Variants in ERG observed in about 807,000 individuals in gnomAD.
ERG encodes the protein transcriptional regulator ERG.
A neutral mutation model predicts 55.3 loss-of-function variants in ERG; 9 were observed. The ratio of observed to expected loss-of-function variants is 0.16; its 90% CI spans 0.10 to 0.28. ERG has a LOEUF of 0.28. ERG is among the 10% of genes least tolerant of loss of function. The pLI is 1.00. For missense variants in ERG, 434 were observed against 631.6 expected, an observed-to-expected ratio of 0.69 and a Z score of 3.35; for synonymous variants, 223 against 237.3, an observed-to-expected ratio of 0.94 and a Z score of 0.55.
chr21:38,615,813 C>T (rs1414838012), intron 1 of ERG, among the ~76,000 whole-genome samples: 1 of 151,928 alleles, frequency 6.6e-6, no homozygotes, highest in Non-Finnish European at 1.5e-5. Context: ...TTACAGTCAA[C>T]TTCAAGCTAC....
chr21:38,583,229 A>G (rs923202138), intron 1 of ERG, among the ~76,000 whole-genome samples: 45 of 152,242 alleles, frequency 3.0e-4, no homozygotes, highest in Non-Finnish European at 5.7e-4. Context: ...CCTGCCAAGC[A>G]CACCAGGCCC....
intron 1 of ERG, among the ~76,000 whole-genome samples, chr21:38,658,658 G>A (rs4143428): frequency 5.3e-5 from 8 of 151,976 alleles, no homozygotes; most frequent in African/African-American, 1.9e-4. Flanking sequence ...GATACATAAC[G>A]TATAACATTG....
intron 1 of ERG, among the ~76,000 whole-genome samples, chr21:38,462,076 G>T (rs540850706): frequency 6.6e-6 from 1 of 152,232 alleles, no homozygotes; most frequent in South Asian, 2.1e-4. Flanking sequence ...CTGCCTCCTG[G>T]GTTCATGCCT....
chr21:38,488,689 C>T (rs1049118800), intron 1 of ERG, among the ~76,000 whole-genome samples: 3 of 152,200 alleles, frequency 2.0e-5, no homozygotes, highest in Non-Finnish European at 4.4e-5. Flanking sequence ...TCTAAAATGA[C>T]CTTTCAACTA....
chr21:38,590,985 G>A (rs2060097280), intron 1 of ERG, among the ~76,000 whole-genome samples: 1 of 152,174 alleles, frequency 6.6e-6, no homozygotes, highest in Non-Finnish European at 1.5e-5. Context: ...GGGGTGAAAG[G>A]GGCAAAAGAG....
chr21:38,466,300 G>GGGGTGTGTGT lies in ERG; in HGVS notation c.19-20680_19-20679insACACACACCC, dbSNP rs1555903683. On this transcript the variant is annotated intron_variant, in intron 1 of 9. Transcript: ENST00000288319. ...CAGTTTAGGCTGTCTGATGGTCTGG[G>GGGGTGTGTGT]GTGTGTGTGTGTGTGTGTGTGTGTG... is the stretch of plus-strand genomic sequence containing the variant. 2.6e-3 allele frequency among the ~76,000 whole-genome samples: 371 copies of GGGGTGTGTGT among 140,680 alleles called. 1 individual carries two copies. The highest frequency in any genetic ancestry group is 4.4e-3 in the Non-Finnish European group (286 of 65,384). 92.3% of individuals were successfully genotyped at this position (140,680 alleles called of 152,430 possible).
intron 3 of ERG, among the ~76,000 whole-genome samples, chr21:38,411,156 A>T (rs1569075841): frequency 6.6e-6 from 1 of 152,188 alleles, no homozygotes; most frequent in Non-Finnish European, 1.5e-5. Context: ...TCACTCCATC[A>T]CAAATGGAAA....
intron 1 of ERG, among the ~76,000 whole-genome samples, chr21:38,641,672 C>A (rs1416367221): frequency 2.0e-5 from 3 of 151,238 alleles, no homozygotes; most frequent in Non-Finnish European, 4.4e-5. Context: ...AATGCACATG[C>A]AAATTTTTTC....
chr21:38,398,782 A>G (rs1988349805), intron 6 of ERG, among the ~76,000 whole-genome samples: 1 of 152,234 alleles, frequency 6.6e-6, no homozygotes, highest in Admixed American at 6.5e-5. Context: ...CTTGTCTGAC[A>G]GAGAGATTGT....
upstream of ERG, among the ~76,000 whole-genome samples, chr21:38,499,981 A>T (rs1414976708): frequency 1.3e-5 from 2 of 152,170 alleles, no homozygotes; most frequent in Non-Finnish European, 2.9e-5. Context: ...GGGGGTGTTG[A>T]TTTCCGCTCT....
chr21:38,528,145 G>T (rs907168758), intron 2 of ERG, among the ~76,000 whole-genome samples: 12 of 131,750 alleles, frequency 9.1e-5, no homozygotes, highest in Non-Finnish European at 1.4e-4. Flanking sequence ...CGTTCACATG[G>T]CCTTCTCCTC....
intron 2 of ERG, among the ~76,000 whole-genome samples, chr21:38,522,521 T>C (rs1462212504): frequency 6.6e-6 from 1 of 152,218 alleles, no homozygotes; most frequent in East Asian, 1.9e-4. Context: ...ATAAAAGCTA[T>C]TTGAAAGTCA....
At chr21:38,390,538 GAC>G (rs1010000582) in intron 9 of ERG, among the ~76,000 whole-genome samples, 12 of 152,270 alleles carry the variant, frequency 7.9e-5, no homozygotes, top group African/African-American at 2.6e-4. Context: ...GAGGCATTTG[GAC>G]ACAGAGACTG....
chr21:38,454,516 T>C (rs2058970237), intron 1 of ERG, among the ~76,000 whole-genome samples: 1 of 152,242 alleles, frequency 6.6e-6, no homozygotes, highest in Non-Finnish European at 1.5e-5. Context: ...TTATCCTTTT[T>C]TGACTCTCAA....
chr21:38,449,739 A>C (rs1286928839), intron 1 of ERG, among the ~76,000 whole-genome samples: 1 of 152,236 alleles, frequency 6.6e-6, no homozygotes, highest in African/African-American at 2.4e-5. Flanking sequence ...ATAAAGGCCC[A>C]AAATTGATTC....
chr21:38,594,771 A>G (rs1376292587), intron 1 of ERG, among the ~76,000 whole-genome samples: 1 of 152,238 alleles, frequency 6.6e-6, no homozygotes, highest in Non-Finnish European at 1.5e-5. Context: ...TAGGCAAAAC[A>G]GAAATCAAAT....
rs908643473 is a variant in ERG at position 38,382,794 on chromosome 21, A to C, written c.*609T>G. ...CGGTAATACTGTAAAGGAGTTGGAA[A>C]CTTTGGGTCATCTTCACAGTTTGAG... On this transcript the variant is annotated 3_prime_UTR_variant, in exon 10 of 10. Coordinates refer to ENST00000288319, the MANE Select transcript of ERG (RefSeq NM_182918.4). 8 of 1,066,102 alleles carry C rather than the reference A, an allele frequency of 7.5e-6. No homozygotes were observed. The highest frequency in any genetic ancestry group is 8.2e-4 in the Middle Eastern group (2 of 2,426). 66.0% of individuals were successfully genotyped at this position (1,066,102 alleles called of 1,614,324 possible). A position where few individuals can be genotyped will look rare whatever the true frequency, so the allele number is the denominator to read the frequency against.
intron 2 of ERG, among the ~76,000 whole-genome samples, chr21:38,429,098 C>T (rs1007526427): frequency 6.6e-6 from 1 of 152,092 alleles, no homozygotes; most frequent in Non-Finnish European, 1.5e-5. Context: ...TTTGTGTCCT[C>T]ATAGCTTAGC....
rs537198061 is a variant in ERG, at chr21:38,600,204, A to C, written c.-149-15259T>G. ...ACCCAACCCCGCCCCGGCTTTGGCT[A>C]CCCTGGGGCTGGCGAAGGTATTAAG... On this transcript the variant is annotated intron_variant, in intron 1 of 10. Transcript: ENST00000398910. Among the ~76,000 whole-genome samples, 81 of 152,198 alleles carry C rather than the reference A, an allele frequency of 5.3e-4. 1 individual carries two copies. The highest frequency in any genetic ancestry group is 1.9e-3 in the African/African-American group (77 of 41,458).
Sources: gnomAD v4.1 joint callset for allele counts (sites outside exome capture counted in the v4.1 genomes callset) on GRCh38, gnomAD v4.1.1 for gene constraint, MANE v1.5 for transcripts, NCBI Gene and HGNC (gene_info 2026-07-23, HGNC 2026-07-21) for gene names.